DLG2: variants seen among roughly 807,000 people sequenced by gnomAD.
DLG2 encodes the protein discs large MAGUK scaffold protein 2.
A neutral mutation model predicts 132.5 loss-of-function variants in DLG2; 45 were observed. The observed-to-expected ratio is 0.34, with a 90% confidence interval of 0.27 to 0.44. DLG2 has a LOEUF of 0.44. Ranked by LOEUF, DLG2 falls within the 20% of genes least tolerant of loss-of-function variation. DLG2 has a pLI of 1.00. For missense variants in DLG2, 1,045 were observed against 1,196.9 expected, an observed-to-expected ratio of 0.87 and a Z score of 1.87; for synonymous variants, 424 against 419.6, an observed-to-expected ratio of 1.01 and a Z score of -0.13.
At chr11:84,736,972 G>A (rs944171000) in intron 6 of DLG2, among the ~76,000 whole-genome samples, 1 of 151,942 alleles carries the variant, frequency 6.6e-6, no homozygotes, top group African/African-American at 2.4e-5. Flanking sequence ...ACTAAATAAT[G>A]ATTAAATATG....
intron 12 of DLG2, among the ~76,000 whole-genome samples, chr11:83,977,063 T>C (rs529168156): frequency 3.9e-5 from 6 of 152,126 alleles, no homozygotes; most frequent in East Asian, 1.9e-4. Context: ...TGCTTAGTAA[T>C]AACCAAAAGG....
At chr11:84,642,188 C>G (rs2099668108) in intron 6 of DLG2, among the ~76,000 whole-genome samples, 1 of 148,800 alleles carries the variant, frequency 6.7e-6, no homozygotes, top group African/African-American at 2.5e-5. Context: ...TCTACAGGAG[C>G]TTGAATTACC....
chr11:84,105,876 T>G (rs1265304870), intron 9 of DLG2, among the ~76,000 whole-genome samples: 2 of 152,146 alleles, frequency 1.3e-5, no homozygotes, highest in African/African-American at 4.8e-5. Context: ...ATATTCAAGT[T>G]TACCTTCTGT....
At chr11:84,379,909 T>C (rs1354467532) in intron 7 of DLG2, among the ~76,000 whole-genome samples, 1 of 151,974 alleles carries the variant, frequency 6.6e-6, no homozygotes, top group Non-Finnish European at 1.5e-5. Flanking sequence ...ATAGTAAAGC[T>C]GCAGAACACC....
At chr11:84,919,249 C>G (rs545617333) in intron 6 of DLG2, among the ~76,000 whole-genome samples, 1 of 152,202 alleles carries the variant, frequency 6.6e-6, no homozygotes, top group African/African-American at 2.4e-5. Context: ...CCTTATCTAA[C>G]TTACTGCTTA....
At chr11:85,412,380 T>C (rs1260124674) in intron 3 of DLG2, among the ~76,000 whole-genome samples, 1 of 151,726 alleles carries the variant, frequency 6.6e-6, no homozygotes, top group African/African-American at 2.4e-5. Context: ...GATGACATTC[T>C]TTTTTTCCCA....
chr11:84,228,097 T>C lies in DLG2; in HGVS notation c.573+23141A>G, dbSNP rs1234948104. Among the ~76,000 whole-genome samples, 4 of 152,144 alleles carry C rather than the reference T, an allele frequency of 2.6e-5. No homozygotes were observed. The South Asian group carries it at 6.2e-4, about 24-fold the overall frequency. On this transcript the variant is annotated intron_variant, in intron 8 of 27. Transcript: ENST00000376104. The stretch of plus-strand genomic sequence containing the variant: ...TGGTTTCCTCTAAAACTCTGACTCA[T>C]CTGGTTGCATCACTGACATGATGGA...
chr11:83,707,506 T>C (rs926574016), intron 18 of DLG2, among the ~76,000 whole-genome samples: 4 of 152,072 alleles, frequency 2.6e-5, no homozygotes, highest in African/African-American at 9.7e-5. Context: ...CCCATCTTTA[T>C]TAAAAATACA....
intron 6 of DLG2, among the ~76,000 whole-genome samples, chr11:84,598,312 T>G (rs997222025): frequency 2.0e-5 from 3 of 152,128 alleles, no homozygotes; most frequent in Non-Finnish European, 4.4e-5. Context: ...CCCTACAAAT[T>G]ATAAATTTGG....
rs530308105 is a variant in DLG2, at chr11:84,315,437, G to T, written c.520-64146C>A. ...ACCATAAGCTAGATGCTATTAAGTA[G>T]GCTTGCTTCCTAGCCTATGTGAGCC... On this transcript the variant is annotated intron_variant, in intron 7 of 27. Transcript: ENST00000376104. Among the ~76,000 whole-genome samples, 3 of 152,174 alleles carry T rather than the reference G, an allele frequency of 2.0e-5. No homozygotes were observed. In the East Asian group the frequency reaches 5.8e-4, roughly 29 times the overall value.
At chr11:84,916,465 T>C (rs572648248) in intron 6 of DLG2, among the ~76,000 whole-genome samples, 1 of 145,852 alleles carries the variant, frequency 6.9e-6, no homozygotes, top group East Asian at 2.2e-4. Flanking sequence ...ACACCACACC[T>C]AAGGAGGACT....
intron 14 of DLG2, among the ~76,000 whole-genome samples, chr11:83,935,764 T>C (rs1225319704): frequency 6.6e-6 from 1 of 152,172 alleles, no homozygotes; most frequent in African/African-American, 2.4e-5. Flanking sequence ...CCAGAAAAAT[T>C]ATAAATTGCA....
intron 6 of DLG2, among the ~76,000 whole-genome samples, chr11:84,740,366 T>C (rs1565836597): frequency 6.6e-6 from 1 of 152,102 alleles, no homozygotes; most frequent in Admixed American, 6.6e-5. Context: ...TGGATATACT[T>C]ACAATCCTTA....
At chr11:84,325,575 C>A (rs1316191949) in intron 7 of DLG2, among the ~76,000 whole-genome samples, 2 of 151,934 alleles carry the variant, frequency 1.3e-5, no homozygotes, top group African/African-American at 4.8e-5. Flanking sequence ...TATGTTGAAC[C>A]ATTCTTGCAT....
chr11:84,850,127 G>C (rs2082002770), intron 6 of DLG2, among the ~76,000 whole-genome samples: 1 of 152,002 alleles, frequency 6.6e-6, no homozygotes, highest in African/African-American at 2.4e-5. Flanking sequence ...TAGGATGGTT[G>C]GTCATTCTAT....
intron 15 of DLG2, among the ~76,000 whole-genome samples, chr11:83,927,158 A>G (rs1399257938): frequency 6.6e-6 from 1 of 152,128 alleles, no homozygotes; most frequent in Non-Finnish European, 1.5e-5. Flanking sequence ...TTGTTTGCAG[A>G]TTTTATTTCC....
intron 16 of DLG2, among the ~76,000 whole-genome samples, chr11:83,872,261 T>G (rs2063606808): frequency 6.6e-6 from 1 of 152,170 alleles, no homozygotes; most frequent in African/African-American, 2.4e-5. Context: ...AGACTCCATC[T>G]CAAACAAATT....
At chr11:83,792,496 G>A (rs1464186667) in intron 17 of DLG2, among the ~76,000 whole-genome samples, 1 of 151,906 alleles carries the variant, frequency 6.6e-6, no homozygotes, top group Non-Finnish European at 1.5e-5. Flanking sequence ...CTCTACAAAG[G>A]TAATCATGTG....
chr11:84,536,160 C>A (rs2099355141), intron 6 of DLG2, among the ~76,000 whole-genome samples: 1 of 152,092 alleles, frequency 6.6e-6, no homozygotes. Flanking sequence ...AATAACAATG[C>A]CATAACTGCA....
Sources: gnomAD v4.1 joint callset for allele counts (sites outside exome capture counted in the v4.1 genomes callset) on GRCh38, gnomAD v4.1.1 for gene constraint, MANE v1.5 for transcripts, NCBI Gene and HGNC (gene_info 2026-07-23, HGNC 2026-07-21) for gene names.